ZDHHC7: variants seen among roughly 807,000 people sequenced by gnomAD.
The protein encoded by ZDHHC7 is palmitoyltransferase ZDHHC7.
In ZDHHC7, 12 loss-of-function variants were observed where a neutral mutation model predicts 34.1. The ratio of observed to expected loss-of-function variants is 0.35; its 90% CI spans 0.23 to 0.57. The LOEUF (loss-of-function observed/expected upper bound fraction) is 0.57, where lower values mean the gene tolerates loss of function less well. Among genes scored for constraint, ZDHHC7 ranks in the 20% least tolerant of loss-of-function variants. The pLI is 0.84. For missense variants in ZDHHC7, 388 were observed against 402.7 expected (o/e 0.96, Z 0.31); for synonymous variants, 185 against 155.4 (o/e 1.19, Z -1.42).
chr16:85,012,669 C>T (rs2072809566), upstream of ZDHHC7, among the ~76,000 whole-genome samples: 1 of 152,056 alleles, frequency 6.6e-6, no homozygotes, highest in Admixed American at 6.6e-5. Flanking sequence ...TTGTAGGAGG[C>T]CGAGGCAGGC....
chr16:84,982,253 G>T (rs1023620905), intron 3 of ZDHHC7: 2 of 333,640 alleles, frequency 6.0e-6, no homozygotes, highest in Non-Finnish European at 1.2e-5. Context: ...GCTGAGGCAG[G>T]AGAATCGCTT....
upstream of ZDHHC7, among the ~76,000 whole-genome samples, chr16:85,012,822 C>T (rs1336380541): frequency 6.6e-6 from 1 of 151,998 alleles, no homozygotes; most frequent in Non-Finnish European, 1.5e-5. Flanking sequence ...GGAGAAACCG[C>T]TTGAGAACCG....
At chr16:85,014,791 C>A (rs1337389290), upstream of ZDHHC7, among the ~76,000 whole-genome samples, 1 of 152,180 alleles carries the variant, frequency 6.6e-6, no homozygotes, top group African/African-American at 2.4e-5. Context: ...ATTCTGAGAA[C>A]ATTCCCAAGG....
At chr16:84,996,797 G>C (rs951646703) in intron 1 of ZDHHC7, among the ~76,000 whole-genome samples, 2 of 151,610 alleles carry the variant, frequency 1.3e-5, no homozygotes, top group African/African-American at 4.8e-5. Context: ...GGGAGGCTGA[G>C]GCGGGTGGAT....
chr16:84,990,099 T>G (rs1486476146), intron 3 of ZDHHC7, among the ~76,000 whole-genome samples: 1 of 152,202 alleles, frequency 6.6e-6, no homozygotes, highest in Non-Finnish European at 1.5e-5. Flanking sequence ...CGTCAGGAAC[T>G]AGGGGTATTT....
At chr16:85,012,450 A>G (rs74250196), upstream of ZDHHC7, among the ~76,000 whole-genome samples, 121 of 152,066 alleles carry the variant, frequency 8.0e-4, no homozygotes, top group East Asian at 0.018. Context: ...TAAAATGAAC[A>G]TATGTCAAAG....
chr16:84,986,966 G>A (rs1320406978), intron 3 of ZDHHC7, among the ~76,000 whole-genome samples: 1 of 152,176 alleles, frequency 6.6e-6, no homozygotes, highest in Non-Finnish European at 1.5e-5. Context: ...GCTGGGCCAT[G>A]CCCACTCTCC....
intron 1 of ZDHHC7, among the ~76,000 whole-genome samples, chr16:85,003,199 C>A (rs1044471304): frequency 1.3e-5 from 2 of 152,012 alleles, no homozygotes; most frequent in Admixed American, 6.6e-5. Context: ...ACTGAGGGCC[C>A]GAGGAGCCTG....
At chr16:85,018,179 C>T in the ZDHHC7 span, among the ~76,000 whole-genome samples, 13 of 152,104 alleles carry the variant, frequency 8.5e-5, no homozygotes, top group Admixed American at 8.5e-4. Context: ...AACTACTGCC[C>T]AGAATTTAAT....
intron 1 of ZDHHC7, among the ~76,000 whole-genome samples, chr16:85,003,198 C>T (rs948436759): frequency 1.3e-5 from 2 of 152,080 alleles, no homozygotes; most frequent in African/African-American, 2.4e-5. Context: ...CACTGAGGGC[C>T]CGAGGAGCCT....
At chr16:84,996,770 TG>T (rs1250284582) in intron 1 of ZDHHC7, among the ~76,000 whole-genome samples, 1 of 152,136 alleles carries the variant, frequency 6.6e-6, no homozygotes, top group Non-Finnish European at 1.5e-5. Flanking sequence ...GGCTCACGCC[TG>T]TAATCCCAGC....
chr16:85,011,241 G>A (rs1414122561), intron 1 of ZDHHC7, 45 bp downstream of exon 1: 2 of 152,194 alleles, frequency 1.3e-5, no homozygotes, highest in African/African-American at 4.8e-5. Context: ...GTGGCCGGGA[G>A]ACCCGGGAGT....
At chr16:85,003,259 G>A (rs2143726859) in intron 1 of ZDHHC7, among the ~76,000 whole-genome samples, 1 of 152,282 alleles carries the variant, frequency 6.6e-6, no homozygotes. Flanking sequence ...TGGGTCCAGG[G>A]GGGCGCTGTA....
Position 84,982,658 on chromosome 16 carries a change from C to G in ZDHHC7, c.316-664G>C, listed in dbSNP as rs942700683. Among the ~76,000 whole-genome samples, 3 of 152,230 alleles carry G rather than the reference C, an allele frequency of 2.0e-5. No individual in the cohort carries two copies. In the East Asian group the frequency reaches 5.8e-4, roughly 29 times the overall value. ...TGCTAAAGTGACATGATACTTTTGTCTCTTGGCCAACTTCCTCAAAGGCAT... is the reference window on the plus strand; with the variant it reads ...TGCTAAAGTGACATGATACTTTTGTGTCTTGGCCAACTTCCTCAAAGGCAT... On this transcript the variant is annotated intron_variant, in intron 3 of 7. Transcript: ENST00000313732.
intron 1 of ZDHHC7, among the ~76,000 whole-genome samples, chr16:85,004,543 C>A (rs1406954063): frequency 1.3e-5 from 2 of 149,936 alleles, no homozygotes; most frequent in African/African-American, 4.9e-5. Flanking sequence ...CCACCCCCCA[C>A]TCCACCCCAC....
chr16:85,011,145 G>A (rs1022506452), intron 1 of ZDHHC7, 141 bp downstream of exon 1: 7 of 152,328 alleles, frequency 4.6e-5, no homozygotes, highest in Non-Finnish European at 8.8e-5. Context: ...GGTGCCCCTA[G>A]GAACTCCAGA....
intron 1 of ZDHHC7, among the ~76,000 whole-genome samples, chr16:84,999,308 G>A (rs923352308): frequency 6.6e-6 from 1 of 152,058 alleles, no homozygotes; most frequent in African/African-American, 2.4e-5. Flanking sequence ...AAGCAGTCTG[G>A]CACTTTCTCA....
intron 1 of ZDHHC7, among the ~76,000 whole-genome samples, chr16:85,001,511 G>A: frequency 6.7e-6 from 1 of 149,148 alleles, no homozygotes; most frequent in Non-Finnish European, 1.5e-5. Flanking sequence ...CAAGAGCCAG[G>A]CTTCTCACTG....
At chr16:84,992,243 G>A (rs2072519834) in intron 2 of ZDHHC7, among the ~76,000 whole-genome samples, 1 of 152,070 alleles carries the variant, frequency 6.6e-6, no homozygotes, top group African/African-American at 2.4e-5. Flanking sequence ...GCAGAGGCCG[G>A]TGGATCACGA....
Sources: allele counts gnomAD v4.1 joint callset (sites outside exome capture counted in the v4.1 genomes callset), GRCh38; gene constraint gnomAD v4.1.1; transcripts MANE v1.5; gene names NCBI Gene and HGNC (gene_info 2026-07-23, HGNC 2026-07-21).